MTM1: variants seen among roughly 807,000 people sequenced by gnomAD.
MTM1 encodes myotubularin.
MTM1 carries 9 observed loss-of-function variants against 52.1 expected under a neutral mutation model. The observed-to-expected ratio is 0.17, with a 90% CI of 0.10 to 0.30. The LOEUF (loss-of-function observed/expected upper bound fraction) is 0.30. MTM1 is among the 10% of genes least tolerant of loss of function. MTM1 has a pLI of 1.00. For synonymous variants in MTM1, 136 were observed against 163.8 expected (o/e 0.83, Z 1.29); for missense variants, 277 against 470.7 (o/e 0.59, Z 3.81).
rs2038782366 is a variant in MTM1, at chrX:150,586,106, G to T, written c.-10-6499G>T. Among the ~76,000 whole-genome samples, 4 of 112,223 alleles carry T rather than the reference G, an allele frequency of 3.6e-5. 1 individual carries two copies. The South Asian group carries it at 1.5e-3, about 41-fold the overall frequency. On this transcript the variant is annotated intron_variant, in intron 1 of 14. Coordinates refer to ENST00000370396, the MANE Select transcript of MTM1 (RefSeq NM_000252.3). ...GTAGGTATATCATCATGTTTAAAAT[G>T]AATTGTAAATATCAAAATTATACAG...
At chrX:150,568,402 C>G (rs782118508), upstream of MTM1, among the ~76,000 whole-genome samples, 1 of 113,413 alleles carries the variant, frequency 8.8e-6, no homozygotes, top group Admixed American at 9.2e-5. Flanking sequence ...TGCCTCCATG[C>G]GTCGGACCCT....
chrX:150,608,538 T>G (rs1557412886), intron 4 of MTM1, among the ~76,000 whole-genome samples: 5 of 111,710 alleles, frequency 4.5e-5, no homozygotes, highest in South Asian at 7.4e-4. Flanking sequence ...ATTTTTTAAT[T>G]GACAAAAATT....
intron 10 of MTM1, among the ~76,000 whole-genome samples, chrX:150,650,632 C>T (rs1214200012): frequency 2.7e-5 from 3 of 111,009 alleles, no homozygotes; most frequent in African/African-American, 9.8e-5. Flanking sequence ...TACCACAGGC[C>T]CTTCCTTGGA....
chrX:150,642,582 G>A (rs2039865986), intron 8 of MTM1, among the ~76,000 whole-genome samples: 1 of 111,715 alleles, frequency 9.0e-6, no homozygotes, highest in Non-Finnish European at 1.9e-5. Context: ...AGGGTTACAA[G>A]TTCAGTCTTC....
intron 6 of MTM1, among the ~76,000 whole-genome samples, chrX:150,625,238 G>T (rs889359296): frequency 8.9e-6 from 1 of 111,732 alleles, no homozygotes; most frequent in Admixed American, 9.5e-5. Flanking sequence ...TCTCTACCCC[G>T]TTGGGGTTTT....
At chrX:150,590,158 C>G (rs2148422233) in intron 1 of MTM1, among the ~76,000 whole-genome samples, 1 of 111,756 alleles carries the variant, frequency 8.9e-6, no homozygotes, top group South Asian at 3.8e-4. Context: ...GCTGTTCCAG[C>G]TTCTATAATC....
intron 1 of MTM1, among the ~76,000 whole-genome samples, chrX:150,580,001 A>G (rs2038551072): frequency 9.0e-6 from 1 of 110,647 alleles, no homozygotes; most frequent in Admixed American, 9.7e-5. Flanking sequence ...CCAATATGTT[A>G]TGTGTTTTGA....
intron 6 of MTM1, among the ~76,000 whole-genome samples, chrX:150,622,630 G>C (rs1050426817): frequency 8.9e-6 from 1 of 111,954 alleles, no homozygotes; most frequent in Non-Finnish European, 1.9e-5. Context: ...AGGAAGAAGA[G>C]ACCACATCTA....
chrX:150,598,210 C>T (rs1557412649), intron 3 of MTM1, among the ~76,000 whole-genome samples: 1 of 112,506 alleles, frequency 8.9e-6, no homozygotes, highest in African/African-American at 3.2e-5. Context: ...GTGGTTAGTC[C>T]GTGAGACTGT....
At chrX:150,575,958 G>A (rs1189799936) in intron 1 of MTM1, among the ~76,000 whole-genome samples, 5 of 111,140 alleles carry the variant, frequency 4.5e-5, no homozygotes, top group Non-Finnish European at 9.4e-5. Context: ...GATTACAGGC[G>A]TGAGGGAGAA....
chrX:150,624,063 G>C (rs1272270463), intron 6 of MTM1, among the ~76,000 whole-genome samples: 1 of 110,780 alleles, frequency 9.0e-6, no homozygotes, highest in Admixed American at 9.6e-5. Context: ...CTGGCCTCCT[G>C]TCCCATTAGT....
intron 5 of MTM1, among the ~76,000 whole-genome samples, chrX:150,617,538 G>A (rs990475885): frequency 8.9e-6 from 1 of 112,227 alleles, no homozygotes; most frequent in Non-Finnish European, 1.9e-5. Context: ...GCATGGAATC[G>A]TGGAGCTGGC....
chrX:150,604,260 TC>T (rs2039116060), intron 4 of MTM1, among the ~76,000 whole-genome samples: 2 of 111,988 alleles, frequency 1.8e-5, no homozygotes, highest in Non-Finnish European at 3.8e-5. Context: ...TTTAGTCACT[TC>T]CATGCACATG....
chrX:150,583,562 AATATATAATTTATATATAAT>A (rs1419296153), intron 1 of MTM1, among the ~76,000 whole-genome samples: 1 of 22,929 alleles, frequency 4.4e-5, no homozygotes, highest in Non-Finnish European at 5.6e-5. Context: ...ATTTATATAT[AATATATAATTTATATATAAT>A]ATATATAATT....
At chrX:150,617,795 G>A (rs1470711504) in intron 5 of MTM1, among the ~76,000 whole-genome samples, 2 of 111,767 alleles carry the variant, frequency 1.8e-5, no homozygotes, top group Non-Finnish European at 3.8e-5. Flanking sequence ...GCAACAACTA[G>A]GTCTGTACCG....
intron 4 of MTM1, among the ~76,000 whole-genome samples, chrX:150,601,655 T>C (rs900545426): frequency 8.9e-6 from 1 of 112,139 alleles, no homozygotes; most frequent in African/African-American, 3.2e-5. Flanking sequence ...TGTCCTGAGA[T>C]TGCCACAGTG....
intron 1 of MTM1, among the ~76,000 whole-genome samples, chrX:150,580,627 C>T (rs948574756): frequency 2.7e-5 from 3 of 110,740 alleles, no homozygotes; most frequent in Non-Finnish European, 5.7e-5. Context: ...GTCCTTTCAC[C>T]TTCTTCTGTA....
intron 1 of MTM1, among the ~76,000 whole-genome samples, chrX:150,578,207 A>T (rs2038506877): frequency 8.9e-6 from 1 of 112,210 alleles, no homozygotes; most frequent in South Asian, 3.7e-4. Flanking sequence ...AGCCACATTG[A>T]GGAAGGCCAC....
chrX:150,624,648 G>A (rs1396605089), intron 6 of MTM1, among the ~76,000 whole-genome samples: 1 of 111,859 alleles, frequency 8.9e-6, no homozygotes, highest in Non-Finnish European at 1.9e-5. Flanking sequence ...CTAGGTTGCA[G>A]CCAGCATTTT....
Sources: gnomAD v4.1 joint callset for allele counts (sites outside exome capture counted in the v4.1 genomes callset) on GRCh38, gnomAD v4.1.1 for gene constraint, MANE v1.5 for transcripts, NCBI Gene and HGNC (gene_info 2026-07-23, HGNC 2026-07-21) for gene names.